RBFOX1: variants seen among roughly 807,000 people sequenced by gnomAD.
RBFOX1 encodes RNA binding protein fox-1 homolog 1.
RBFOX1 carries 8 observed loss-of-function variants against 57.7 expected under a neutral mutation model. The observed-to-expected ratio is 0.14, with a 90% CI of 0.08 to 0.25. The LOEUF is 0.25. Ranked by LOEUF, RBFOX1 falls within the 10% of genes least tolerant of loss-of-function variation. RBFOX1 has a pLI of 1.00. For synonymous variants in RBFOX1, 326 were observed against 222.4 expected (o/e 1.47, Z -4.15); for missense variants, 611 against 548.5 (o/e 1.11, Z -1.14).
At chr16:5,271,489 G>C (rs1168564431) in intron 1 of RBFOX1, among the ~76,000 whole-genome samples, 2 of 152,366 alleles carry the variant, frequency 1.3e-5, no homozygotes, top group African/African-American at 2.4e-5. Context: ...TTTTCACTGG[G>C]AACTGAGACA....
rs141192218 is a variant in RBFOX1 at position 6,136,606 on chromosome 16, T to C, written c.-127+116614T>C. Among the ~76,000 whole-genome samples the C allele has an allele frequency of 6.8e-4, 103 of 152,284 alleles. No homozygotes were observed. The East Asian group carries it at 0.018, about 27-fold the overall frequency. ...GTCTAAACTAATTTAATGTAAATTA[T>C]ACATTTGCAAGTAATATTCCAGAAA... On this transcript the variant is annotated intron_variant, in intron 1 of 15. Transcript: ENST00000550418.
chr16:7,184,062 G>T (rs1455847292), intron 4 of RBFOX1, among the ~76,000 whole-genome samples: 8 of 152,290 alleles, frequency 5.3e-5, no homozygotes, highest in Non-Finnish European at 2.9e-5. Flanking sequence ...AGTGGTGGTG[G>T]AGAAGAAGGC....
Position 6,218,884 on chromosome 16 carries a change from T to C in RBFOX1, c.-126-98111T>C, listed in dbSNP as rs534482716. Reference sequence around the variant, plus strand: ...AAAAAAAAAGAAGAAGGAGAAAAAGTCCTAATTATAGTTTTTCTTCTTAAG... The same window carrying C: ...AAAAAAAAAGAAGAAGGAGAAAAAGCCCTAATTATAGTTTTTCTTCTTAAG... On this transcript the variant is annotated intron_variant, in intron 1 of 15. Coordinates refer to ENST00000550418, the MANE Select transcript of RBFOX1 (RefSeq NM_018723.4). 1.2e-4 allele frequency among the ~76,000 whole-genome samples: 18 copies of C among 149,466 alleles called. No individual in the cohort carries two copies. In the South Asian group the frequency reaches 1.9e-3, roughly 16 times the overall value.
intron 2 of RBFOX1, among the ~76,000 whole-genome samples, chr16:5,523,472 C>T (rs891965760): frequency 2.6e-5 from 4 of 151,162 alleles, no homozygotes; most frequent in African/African-American, 9.7e-5. Flanking sequence ...AAAAATTAGC[C>T]AGGTGTGATG....
chr16:5,492,041 G>A (rs144422926), intron 2 of RBFOX1, among the ~76,000 whole-genome samples: 13 of 152,278 alleles, frequency 8.5e-5, no homozygotes, highest in South Asian at 2.1e-4. Flanking sequence ...CAGTATCAGC[G>A]TTGCCTGGGA....
At chr16:7,648,112 G>T (rs1188152641) in intron 11 of RBFOX1, among the ~76,000 whole-genome samples, 2 of 152,168 alleles carry the variant, frequency 1.3e-5, no homozygotes, top group East Asian at 1.9e-4. Context: ...GTGGCAAACA[G>T]TTGTGTGTGT....
At chr16:6,528,070 A>C (rs779824974) in intron 2 of RBFOX1, among the ~76,000 whole-genome samples, 1 of 152,156 alleles carries the variant, frequency 6.6e-6, no homozygotes, top group Non-Finnish European at 1.5e-5. Flanking sequence ...TCAAAGATCA[A>C]CAAAATCTTG....
At chr16:5,528,330 T>C (rs1463632300) in intron 2 of RBFOX1, among the ~76,000 whole-genome samples, 3 of 152,132 alleles carry the variant, frequency 2.0e-5, no homozygotes, top group African/African-American at 7.2e-5. Context: ...ACTCAGTAGA[T>C]CTGGGTTTAG....
chr16:7,064,161 CTTTTTTTTTT>C, intron 4 of RBFOX1, among the ~76,000 whole-genome samples: 1 of 96,824 alleles, frequency 1.0e-5, no homozygotes, highest in South Asian at 3.9e-4. Context: ...GACTGGTGTT[CTTTTTTTTTT>C]TTTTTTTTTT....
At chr16:6,191,840 G>A (rs1352257467) in intron 1 of RBFOX1, among the ~76,000 whole-genome samples, 1 of 152,092 alleles carries the variant, frequency 6.6e-6, no homozygotes, top group Non-Finnish European at 1.5e-5. Flanking sequence ...TCAGAATTTT[G>A]CACTAGATTT....
chr16:7,518,737 C>G (rs1025867528), intron 5 of RBFOX1, among the ~76,000 whole-genome samples: 1 of 151,992 alleles, frequency 6.6e-6, no homozygotes, highest in Non-Finnish European at 1.5e-5. Context: ...TCAAGTCTTA[C>G]GGAGGCTGGG....
chr16:6,626,373 G>A (rs778997332), intron 2 of RBFOX1, among the ~76,000 whole-genome samples: 1 of 152,122 alleles, frequency 6.6e-6, no homozygotes, highest in Non-Finnish European at 1.5e-5. Flanking sequence ...CCTGGGAGCT[G>A]AGGCTCGGGA....
At chr16:6,056,181 T>C (rs1014154432) in intron 1 of RBFOX1, among the ~76,000 whole-genome samples, 4 of 152,138 alleles carry the variant, frequency 2.6e-5, no homozygotes, top group African/African-American at 9.7e-5. Flanking sequence ...TTTGTCAGTG[T>C]CTCTAATCTC....
chr16:6,736,247 T>G (rs1361634073), intron 3 of RBFOX1, among the ~76,000 whole-genome samples: 2 of 152,160 alleles, frequency 1.3e-5, no homozygotes, highest in Admixed American at 1.3e-4. Flanking sequence ...AGTTCTTTAG[T>G]GGTGATTTGT....
chr16:7,124,854 TAC>T (rs2068086521), intron 4 of RBFOX1, among the ~76,000 whole-genome samples: 1 of 152,078 alleles, frequency 6.6e-6, no homozygotes, highest in Non-Finnish European at 1.5e-5. Flanking sequence ...ATTCATAAAT[TAC>T]TAAAGTGTAT....
chr16:6,991,345 C>T (rs944728632), intron 3 of RBFOX1, among the ~76,000 whole-genome samples: 3 of 151,984 alleles, frequency 2.0e-5, no homozygotes, highest in Non-Finnish European at 4.4e-5. Context: ...TCAGCTAATA[C>T]ATCTGTATGT....
At chr16:6,037,567 T>C (rs2095382031) in intron 1 of RBFOX1, 1 of 151,848 alleles carries the variant, frequency 6.6e-6, no homozygotes, top group Non-Finnish European at 1.5e-5. Context: ...ATTTTCTTTC[T>C]TTTTTTTCTT....
At position 6,019,879 on chromosome 16, in the gene RBFOX1, C is replaced by A. The variant is rs529173850; in HGVS notation, c.-240C>A. ...GACAGTGCGTGAGAAACCAGCACCC[C>A]CTTCCGCCGCCTCCAGCTTATGGTG... On this transcript the variant is annotated 5_prime_UTR_variant, in exon 1 of 16. Transcript: ENST00000550418. This position sits in a 1 kb window ranked among gnomAD's most constrained non-coding sequence, Gnocchi z 4.2. The A allele has an allele frequency of 2.7e-5, 42 of 1,534,796 alleles. No homozygotes were observed. The highest frequency in any genetic ancestry group is 2.2e-4 in the East Asian group (9 of 40,808).
At chr16:6,652,082 T>G (rs916942713) in intron 2 of RBFOX1, among the ~76,000 whole-genome samples, 2 of 152,162 alleles carry the variant, frequency 1.3e-5, no homozygotes, top group East Asian at 3.9e-4. Flanking sequence ...TGGAGATTAG[T>G]CCTTTAGGGA....
Sources: allele counts gnomAD v4.1 joint callset (sites outside exome capture counted in the v4.1 genomes callset), GRCh38; gene constraint gnomAD v4.1.1; non-coding constraint Gnocchi (gnomAD v3.1); transcripts MANE v1.5; gene names NCBI Gene and HGNC (gene_info 2026-07-23, HGNC 2026-07-21).